Variants in PTPRT observed in about 807,000 individuals in gnomAD.
The protein encoded by PTPRT is receptor-type tyrosine-protein phosphatase T.
In PTPRT, 56 loss-of-function variants were observed where a neutral mutation model predicts 176.8. That is an observed-to-expected ratio of 0.32 (90% CI 0.26 to 0.40). The LOEUF (loss-of-function observed/expected upper bound fraction) is 0.40, where lower values mean the gene tolerates loss of function less well. Among genes scored for constraint, PTPRT ranks in the 10% least tolerant of loss-of-function variants. The probability of loss-of-function intolerance (pLI) is 1.00; values close to 1 mark genes in which losing one functional copy is unlikely to be tolerated. For missense variants in PTPRT, 1,540 were observed against 1,908.2 expected, an observed-to-expected ratio of 0.81 and a Z score of 3.60; for synonymous variants, 783 against 739.0, an observed-to-expected ratio of 1.06 and a Z score of -0.96.
chr20:42,196,158 A>G lies in PTPRT; in HGVS notation c.2491+3082T>C, dbSNP rs116053725. On this transcript the variant is annotated intron_variant, in intron 16 of 30. Coordinates refer to ENST00000373187, the MANE Select transcript of PTPRT (RefSeq NM_007050.6). ...CCTCCCAGGGTACTTTTACAAATGG[A>G]AAAAAGTGCACAAGAGGCTGGACTG... Among the ~76,000 whole-genome samples, 401 of 152,308 alleles carry G rather than the reference A, an allele frequency of 2.6e-3. 4 individuals carry two copies. The highest frequency in any genetic ancestry group is 8.2e-3 in the African/African-American group (341 of 41,558).
At chr20:42,624,914 C>T (rs999616789) in intron 7 of PTPRT, among the ~76,000 whole-genome samples, 2 of 152,130 alleles carry the variant, frequency 1.3e-5, no homozygotes, top group African/African-American at 2.4e-5. Flanking sequence ...GAAGGGCACA[C>T]ATCTGTCAGC....
chr20:42,298,857 G>C (rs2057422049), intron 12 of PTPRT, among the ~76,000 whole-genome samples: 1 of 152,024 alleles, frequency 6.6e-6, no homozygotes, highest in Non-Finnish European at 1.5e-5. Flanking sequence ...GGAGGGGGAG[G>C]TTGCAGTTGA....
intron 2 of PTPRT, among the ~76,000 whole-genome samples, chr20:42,796,598 G>A (rs6030477): frequency 0.091 from 13,784 of 152,266 alleles, 779 homozygotes; most frequent in African/African-American, 0.16. Flanking sequence ...TACAGCCACA[G>A]AAGTGGTTTC....
chr20:42,352,464 A>G (rs1412597184), intron 9 of PTPRT, among the ~76,000 whole-genome samples, 179 bp from the exon 10 acceptor site: 12 of 152,060 alleles, frequency 7.9e-5, no homozygotes, highest in Non-Finnish European at 1.8e-4. Context: ...GCCTCCAAAT[A>G]CCCCATTGCT....
chr20:42,353,176 C>T (rs2058311245), intron 9 of PTPRT, among the ~76,000 whole-genome samples: 1 of 152,202 alleles, frequency 6.6e-6, no homozygotes, highest in African/African-American at 2.4e-5. Context: ...ATGCTGGACA[C>T]TGCAGTCATA....
intron 1 of PTPRT, among the ~76,000 whole-genome samples, chr20:42,988,292 G>C (rs1399287242): frequency 6.6e-6 from 1 of 152,176 alleles, no homozygotes; most frequent in African/African-American, 2.4e-5. Context: ...TAGGAGTCAG[G>C]CGTGAAAATA....
At chr20:43,096,572 C>A (rs2146317540) in intron 1 of PTPRT, among the ~76,000 whole-genome samples, 1 of 152,322 alleles carries the variant, frequency 6.6e-6, no homozygotes, top group South Asian at 2.1e-4. Flanking sequence ...GGTTCCCCAG[C>A]TCAGCAGGCT....
At chr20:43,050,342 C>T (rs546643284) in intron 1 of PTPRT, among the ~76,000 whole-genome samples, 2 of 152,226 alleles carry the variant, frequency 1.3e-5, no homozygotes, top group African/African-American at 2.4e-5. Context: ...GACAAGAAGA[C>T]GGGAAGGGAG....
chr20:43,146,645 T>C (rs2014178525), intron 1 of PTPRT, among the ~76,000 whole-genome samples: 1 of 152,082 alleles, frequency 6.6e-6, no homozygotes, highest in African/African-American at 2.4e-5. Flanking sequence ...TGAAAAAGAC[T>C]GTCTGGGGGT....
chr20:42,289,671 G>T (rs1004930366), intron 12 of PTPRT, among the ~76,000 whole-genome samples: 2 of 152,176 alleles, frequency 1.3e-5, no homozygotes, highest in East Asian at 3.9e-4. Context: ...CTCTGTTGAT[G>T]ATATTGTAAA....
intron 12 of PTPRT, among the ~76,000 whole-genome samples, chr20:42,305,120 A>G (rs987789766): frequency 6.6e-6 from 1 of 152,176 alleles, no homozygotes; most frequent in Non-Finnish European, 1.5e-5. Flanking sequence ...TGGGAGGCTG[A>G]GGCAGGAGGA....
At chr20:42,046,167 G>T in the PTPRT span, among the ~76,000 whole-genome samples, 1 of 152,146 alleles carries the variant, frequency 6.6e-6, no homozygotes, top group African/African-American at 2.4e-5. Context: ...GTCCATTAGG[G>T]TCTTAGTGCC....
At chr20:43,058,263 G>C (rs1187951536) in intron 1 of PTPRT, among the ~76,000 whole-genome samples, 2 of 152,056 alleles carry the variant, frequency 1.3e-5, no homozygotes, top group African/African-American at 4.8e-5. Context: ...ATGAGACAGA[G>C]AGACAAAGAG....
chr20:43,103,826 C>T (rs779896201), intron 1 of PTPRT, among the ~76,000 whole-genome samples: 19 of 151,250 alleles, frequency 1.3e-4, no homozygotes, highest in Non-Finnish European at 2.5e-4. Flanking sequence ...CTCAAAAAAA[C>T]ACTGATATAA....
chr20:42,152,198 A>C (rs755529967), intron 17 of PTPRT, among the ~76,000 whole-genome samples: 2 of 152,214 alleles, frequency 1.3e-5, no homozygotes, highest in Non-Finnish European at 2.9e-5. Flanking sequence ...ATTTCACTCT[A>C]AGGTGCTGTA....
At chr20:42,813,202 C>T (rs2077726189) in intron 2 of PTPRT, among the ~76,000 whole-genome samples, 1 of 152,128 alleles carries the variant, frequency 6.6e-6, no homozygotes, top group Non-Finnish European at 1.5e-5. Context: ...TAATCTCATG[C>T]TGTCCATTTA....
At chr20:42,896,504 G>T (rs560572847) in intron 1 of PTPRT, among the ~76,000 whole-genome samples, 1 of 151,896 alleles carries the variant, frequency 6.6e-6, no homozygotes, top group Non-Finnish European at 1.5e-5. Flanking sequence ...GCGTGGTGGC[G>T]CATGCCTGTA....
chr20:42,100,636 T>G (rs1315691136), intron 26 of PTPRT, among the ~76,000 whole-genome samples: 1 of 152,062 alleles, frequency 6.6e-6, no homozygotes, highest in Middle Eastern at 3.2e-3. Flanking sequence ...GAGGGGGTGT[T>G]GGGAGAAGTG....
At chr20:42,550,748 T>C (rs1343577152) in intron 7 of PTPRT, among the ~76,000 whole-genome samples, 1 of 152,088 alleles carries the variant, frequency 6.6e-6, no homozygotes, top group African/African-American at 2.4e-5. Flanking sequence ...AAAACCCAGA[T>C]TACATCTGTG....
Sources: allele counts gnomAD v4.1 joint callset (sites outside exome capture counted in the v4.1 genomes callset), GRCh38; gene constraint gnomAD v4.1.1; transcripts MANE v1.5; gene names NCBI Gene and HGNC (gene_info 2026-07-23, HGNC 2026-07-21).